PCDH15: variants seen among roughly 807,000 people sequenced by gnomAD.
PCDH15 encodes protocadherin-15.
Under a neutral mutation model 178.5 loss-of-function variants are expected in PCDH15, and 129 were observed. The ratio of observed to expected loss-of-function variants is 0.72; its 90% CI spans 0.63 to 0.84. The LOEUF is 0.84. PCDH15 is among the 40% of genes least tolerant of loss of function. PCDH15 has a pLI of 0.00. For synonymous variants in PCDH15, 800 were observed against 732.0 expected (o/e 1.09, Z -1.50); for missense variants, 2,230 against 2,099.9 (o/e 1.06, Z -1.21).
At chr10:55,448,256 G>C (rs1235770302) in intron 2 of PCDH15, among the ~76,000 whole-genome samples, 4 of 151,930 alleles carry the variant, frequency 2.6e-5, no homozygotes, top group African/African-American at 9.7e-5. Context: ...ACATGGAACT[G>C]CATTTTTCAC....
At chr10:55,532,201 C>A (rs534425283) in intron 2 of PCDH15, among the ~76,000 whole-genome samples, 1 of 151,956 alleles carries the variant, frequency 6.6e-6, no homozygotes, top group Non-Finnish European at 1.5e-5. Flanking sequence ...CATATTGGTA[C>A]ACAATAATTT....
intron 1 of PCDH15, among the ~76,000 whole-genome samples, chr10:55,193,462 T>A (rs1425245667): frequency 6.6e-6 from 1 of 151,998 alleles, no homozygotes; most frequent in East Asian, 1.9e-4. Context: ...ATATGATTAT[T>A]AATCAAAATG....
At chr10:54,816,700 T>C (rs1952955084) in intron 3 of PCDH15, among the ~76,000 whole-genome samples, 3 of 151,970 alleles carry the variant, frequency 2.0e-5, no homozygotes, top group African/African-American at 7.2e-5. Flanking sequence ...CACAATAGAG[T>C]AGACTTTAGC....
chr10:54,494,225 TATA>T (rs1450148574), intron 3 of PCDH15, among the ~76,000 whole-genome samples: 6 of 151,912 alleles, frequency 3.9e-5, no homozygotes, highest in South Asian at 2.1e-4. Flanking sequence ...ACCCTAAAAG[TATA>T]ATAATAAAAT....
chr10:54,099,498 C>CAAAAAAAAAAAAAA (rs755057091), intron 15 of PCDH15, among the ~76,000 whole-genome samples: 2 of 49,956 alleles, frequency 4.0e-5, no homozygotes, highest in East Asian at 5.3e-4. Flanking sequence ...GACTCCATCT[C>CAAAAAAAAAAAAAA]AAAAAAAAAA....
chr10:55,410,703 C>T (rs1236582225), intron 2 of PCDH15, among the ~76,000 whole-genome samples: 2 of 151,984 alleles, frequency 1.3e-5, no homozygotes, highest in African/African-American at 4.8e-5. Flanking sequence ...GGAAAGCAGG[C>T]CTGCCAGCTT....
intron 3 of PCDH15, among the ~76,000 whole-genome samples, chr10:54,412,590 A>G (rs1589269704): frequency 2.6e-5 from 4 of 152,282 alleles, no homozygotes; most frequent in Admixed American, 1.3e-4. Context: ...TCTAACTTCT[A>G]TTGTCCTCAA....
intron 2 of PCDH15, among the ~76,000 whole-genome samples, chr10:55,142,146 A>T (rs1040451182): frequency 1.3e-5 from 2 of 152,094 alleles, no homozygotes; most frequent in African/African-American, 4.8e-5. Flanking sequence ...AGTAATTATG[A>T]TCTGTGTCTC....
At chr10:55,334,221 C>CACATATATATATATATATATATATATAT (rs1554854079) in intron 2 of PCDH15, among the ~76,000 whole-genome samples, 2 of 62,880 alleles carry the variant, frequency 3.2e-5, no homozygotes, top group Non-Finnish European at 5.2e-5. Flanking sequence ...TAGGGTGCTC[C>CACATATATATATATATATATATATATAT]ATATATATAT....
intron 2 of PCDH15, among the ~76,000 whole-genome samples, chr10:55,585,624 C>A (rs115454508): frequency 6.6e-6 from 1 of 151,834 alleles, no homozygotes; most frequent in African/African-American, 2.4e-5. Flanking sequence ...TGCATTGAGC[C>A]GAGATGGCGC....
intron 2 of PCDH15, among the ~76,000 whole-genome samples, chr10:55,334,609 G>A (rs1287235673): frequency 6.6e-6 from 1 of 151,820 alleles, no homozygotes; most frequent in Admixed American, 6.6e-5. Context: ...GCCCGGCTGG[G>A]TGCTCCATAT....
At chr10:53,949,597 G>C (rs953901093) in intron 23 of PCDH15, among the ~76,000 whole-genome samples, 1 of 152,094 alleles carries the variant, frequency 6.6e-6, no homozygotes, top group Non-Finnish European at 1.5e-5. Flanking sequence ...AATTAGCTGG[G>C]CATGGTGGCA....
rs1683083647 is a variant in PCDH15 at position 54,066,836 on chromosome 10, G to A, written c.2141C>T (p.Ala714Val). The change falls in exon 18 of 38, where the codon GCT (alanine) becomes GTT (valine). Residue 714 changes from alanine to valine, a missense_variant. By Grantham distance (64) the Ala-to-Val change is moderately conservative. Transcript: ENST00000644397. ...NIVVTDVNDN[A>V]PVFDPYLPRN... ...TGGCAGATAAGGATCAAACACTGGAGCATTGTCATTGACATCTGTCACCAC... is the reference window on the plus strand; with the variant it reads ...TGGCAGATAAGGATCAAACACTGGAACATTGTCATTGACATCTGTCACCAC... 1.9e-6 allele frequency: 3 copies of A among 1,613,170 alleles called. No homozygotes were observed. The South Asian group carries it at 3.3e-5, about 18-fold the overall frequency.
chr10:55,386,403 TG>T (rs1442236421), intron 2 of PCDH15, among the ~76,000 whole-genome samples: 1 of 149,870 alleles, frequency 6.7e-6, no homozygotes, highest in African/African-American at 2.5e-5. Flanking sequence ...AATGTGATAC[TG>T]GTCTGAGAAA....
At position 53,857,198 on chromosome 10, in the gene PCDH15, T is replaced by C; in HGVS notation, c.3783A>G (p.Glu1261=). 2 of 1,607,324 alleles carry C rather than the reference T, an allele frequency of 1.2e-6. No homozygotes were observed. The highest frequency in any genetic ancestry group is 1.7e-6 in the Non-Finnish European group (2 of 1,174,228). ...ACTCTGTAAGATCTTCTATCTTTTT[T>C]TCCACTAGAGTAGGAGGCACATTGG... is the stretch of plus-strand genomic sequence containing the variant. ...IVSNVPPTLV[E]KKIEDLTEIL... is the part of the protein sequence containing the mutation. The change falls in exon 28 of 38, where the codon GAA becomes GAG. Residue 1261 remains glutamate, a synonymous_variant. Coordinates refer to ENST00000644397, the MANE Select transcript of PCDH15 (RefSeq NM_001384140.1).
intron 2 of PCDH15, among the ~76,000 whole-genome samples, chr10:55,002,911 C>T (rs917437997): frequency 2.6e-5 from 4 of 152,144 alleles, no homozygotes; most frequent in Non-Finnish European, 4.4e-5. Flanking sequence ...ACTTTAATAG[C>T]AACTTTAAAA....
At chr10:54,040,693 A>G (rs1415792050) in intron 18 of PCDH15, among the ~76,000 whole-genome samples, 2 of 152,030 alleles carry the variant, frequency 1.3e-5, no homozygotes, top group Non-Finnish European at 2.9e-5. Context: ...AATATTTTAC[A>G]AAAGCATGGC....
chr10:54,878,530 G>A (rs1056904002), intron 3 of PCDH15, among the ~76,000 whole-genome samples: 2 of 151,960 alleles, frequency 1.3e-5, no homozygotes, highest in East Asian at 3.9e-4. Flanking sequence ...AGAGATCTTC[G>A]AGACTTTGAA....
At chr10:54,815,149 T>A (rs550590395) in intron 3 of PCDH15, among the ~76,000 whole-genome samples, 2 of 152,076 alleles carry the variant, frequency 1.3e-5, no homozygotes, top group South Asian at 4.1e-4. Flanking sequence ...TGTTGGTTTT[T>A]TTTTTTATAT....
Sources: allele counts gnomAD v4.1 joint callset (sites outside exome capture counted in the v4.1 genomes callset), GRCh38; gene constraint gnomAD v4.1.1; transcripts MANE v1.5; gene names NCBI Gene and HGNC (gene_info 2026-07-23, HGNC 2026-07-21).